CTNNBL1: variants seen among roughly 807,000 people sequenced by gnomAD.
CTNNBL1 encodes beta-catenin-like protein 1.
Under a neutral mutation model 72.7 loss-of-function variants are expected in CTNNBL1, and 31 were observed. That is an observed-to-expected ratio of 0.43 (90% CI 0.32 to 0.58). The LOEUF is 0.58. Among genes scored for constraint, CTNNBL1 ranks in the 20% least tolerant of loss-of-function variants. CTNNBL1 has a pLI of 0.08. For synonymous variants in CTNNBL1, 240 were observed against 267.3 expected, an observed-to-expected ratio of 0.90 and a Z score of 1.00; for missense variants, 534 against 725.1, an observed-to-expected ratio of 0.74 and a Z score of 3.03.
chr20:37,833,503 T>G (rs1003270170), intron 11 of CTNNBL1, among the ~76,000 whole-genome samples: 2 of 152,192 alleles, frequency 1.3e-5, no homozygotes, highest in Non-Finnish European at 2.9e-5. Context: ...GCTACCTACC[T>G]CTCTGCCTAG....
At chr20:37,852,159 T>TC (rs1466084699) in intron 13 of CTNNBL1, among the ~76,000 whole-genome samples, 1 of 152,224 alleles carries the variant, frequency 6.6e-6, no homozygotes, top group Non-Finnish European at 1.5e-5. Context: ...TGTGGAAGAC[T>TC]CCCTTTAAAT....
intron 4 of CTNNBL1, among the ~76,000 whole-genome samples, chr20:37,747,047 A>G (rs1244326422): frequency 6.6e-6 from 1 of 152,188 alleles, no homozygotes; most frequent in Non-Finnish European, 1.5e-5. Flanking sequence ...GATGTCCAGG[A>G]GGACAGGGAA....
chr20:37,817,359 G>A (rs545137116), intron 11 of CTNNBL1, among the ~76,000 whole-genome samples: 1 of 152,214 alleles, frequency 6.6e-6, no homozygotes, highest in Non-Finnish European at 1.5e-5. Context: ...AATGTGGGAT[G>A]TGAACTTTTT....
At chr20:37,832,054 C>T (rs2072214463) in intron 11 of CTNNBL1, among the ~76,000 whole-genome samples, 1 of 152,224 alleles carries the variant, frequency 6.6e-6, no homozygotes, top group East Asian at 1.9e-4. Flanking sequence ...GTCTGCAGGT[C>T]TCCCAGAATC....
intron 10 of CTNNBL1, among the ~76,000 whole-genome samples, chr20:37,781,546 T>C (rs1338477609): frequency 1.3e-5 from 2 of 152,318 alleles, no homozygotes; most frequent in East Asian, 3.9e-4. Context: ...TGCTGTTACA[T>C]TCATTCTTTG....
chr20:37,761,906 A>G (rs1474627318), intron 5 of CTNNBL1, among the ~76,000 whole-genome samples: 1 of 152,238 alleles, frequency 6.6e-6, no homozygotes, highest in Non-Finnish European at 1.5e-5. Flanking sequence ...ATATTCAAGG[A>G]ACAGAGAAGG....
Position 37,733,079 on chromosome 20 carries a change from G to A in CTNNBL1, c.219+12G>A. On this transcript the variant is annotated intron_variant, in intron 2 of 15. Coordinates refer to ENST00000361383, the MANE Select transcript of CTNNBL1 (RefSeq NM_030877.5). ...AGGAAGAGGAAGAGGTAACGTGGCA[G>A]CGCTGGGTGGGAGCTGAGATGGCTG... The A allele has an allele frequency of 6.2e-7, 1 of 1,610,232 alleles. No homozygotes were observed. The highest frequency in any genetic ancestry group is 1.1e-5 in the South Asian group (1 of 90,978).
At chr20:37,718,196 G>A (rs1372357182) in intron 1 of CTNNBL1, among the ~76,000 whole-genome samples, 2,052 of 133,962 alleles carry the variant, frequency 0.015, 35 homozygotes, top group African/African-American at 0.051. Flanking sequence ...GGGCAGAGGC[G>A]CCCCTCACCT....
intron 11 of CTNNBL1, among the ~76,000 whole-genome samples, chr20:37,812,824 T>C (rs1204763396): frequency 6.6e-6 from 1 of 152,098 alleles, no homozygotes; most frequent in Non-Finnish European, 1.5e-5. Context: ...AAACCTGCAT[T>C]TATGTTACAA....
chr20:37,703,188 T>A (rs977587553), intron 1 of CTNNBL1, among the ~76,000 whole-genome samples: 1 of 152,224 alleles, frequency 6.6e-6, no homozygotes, highest in Admixed American at 6.5e-5. Flanking sequence ...AGCTAACATC[T>A]CATATAACCA....
chr20:37,721,841 G>A (rs2073042901), intron 1 of CTNNBL1, among the ~76,000 whole-genome samples: 1 of 152,170 alleles, frequency 6.6e-6, no homozygotes. Flanking sequence ...ATATGTGTGA[G>A]CATTTCTCTA....
At chr20:37,745,287 C>T (rs562654372) in intron 3 of CTNNBL1, among the ~76,000 whole-genome samples, 1 of 152,242 alleles carries the variant, frequency 6.6e-6, no homozygotes, top group East Asian at 1.9e-4. Context: ...TTGATGAGTC[C>T]TGTGTGACTT....
intron 10 of CTNNBL1, among the ~76,000 whole-genome samples, chr20:37,780,816 G>A (rs1472848134): frequency 6.6e-6 from 1 of 152,070 alleles, no homozygotes; most frequent in African/African-American, 2.4e-5. Flanking sequence ...CAGTTTTTCT[G>A]ATCATTGTTA....
intron 15 of CTNNBL1, among the ~76,000 whole-genome samples, chr20:37,868,676 C>T (rs555990587): frequency 7.2e-5 from 11 of 152,206 alleles, no homozygotes; most frequent in African/African-American, 2.2e-4. Context: ...CTCTGTGTAC[C>T]GTCGGCATAT....
chr20:37,775,319 A>G (rs1488960296), intron 7 of CTNNBL1, among the ~76,000 whole-genome samples: 1 of 152,218 alleles, frequency 6.6e-6, no homozygotes. Flanking sequence ...CTGATTTCAC[A>G]TCGATTTTCA....
chr20:37,704,651 C>G lies in CTNNBL1; in HGVS notation c.30+10499C>G, dbSNP rs111983705. Reference sequence around the variant, plus strand: ...GCTTGAGACCAGGAGATTGATGTTGCAATGAGCGGTGATCACACCACTGCA... The same window carrying G: ...GCTTGAGACCAGGAGATTGATGTTGGAATGAGCGGTGATCACACCACTGCA... On this transcript the variant is annotated intron_variant, in intron 1 of 15. Coordinates refer to ENST00000361383, the MANE Select transcript of CTNNBL1 (RefSeq NM_030877.5). Among the ~76,000 whole-genome samples, 599 of 151,704 alleles carry G rather than the reference C, an allele frequency of 3.9e-3. 6 individuals carry two copies. Among genetic ancestry groups the G allele is most frequent in the African/African-American group, 0.014 (568 of 41,346 alleles).
At chr20:37,704,467 C>G (rs1482216646) in intron 1 of CTNNBL1, among the ~76,000 whole-genome samples, 1 of 151,904 alleles carries the variant, frequency 6.6e-6, no homozygotes, top group African/African-American at 2.4e-5. Context: ...GTAATCCCAG[C>G]ACTTTGGGAG....
chr20:37,751,922 C>T (rs1600463967), intron 4 of CTNNBL1, among the ~76,000 whole-genome samples: 2 of 152,168 alleles, frequency 1.3e-5, no homozygotes, highest in East Asian at 3.8e-4. Context: ...ACTTCTTTTT[C>T]TCATCTGTCA....
At chr20:37,844,947 CA>C (rs954004363) in intron 13 of CTNNBL1, among the ~76,000 whole-genome samples, 24 of 151,944 alleles carry the variant, frequency 1.6e-4, no homozygotes, top group Admixed American at 1.6e-3. Flanking sequence ...GACCCTGTCT[CA>C]AAAAATAAAA....
Sources: gnomAD v4.1 joint callset for allele counts (sites outside exome capture counted in the v4.1 genomes callset) on GRCh38, gnomAD v4.1.1 for gene constraint, MANE v1.5 for transcripts, NCBI Gene and HGNC (gene_info 2026-07-23, HGNC 2026-07-21) for gene names.